KIF26B: variants seen among roughly 807,000 people sequenced by gnomAD.
The protein encoded by KIF26B is kinesin-like protein KIF26B.
In KIF26B, 63 loss-of-function variants were observed where a neutral mutation model predicts 151.2. The observed-to-expected ratio is 0.42, with a 90% CI of 0.34 to 0.51. The LOEUF (loss-of-function observed/expected upper bound fraction) is 0.51. KIF26B is among the 20% of genes least tolerant of loss of function. KIF26B has a pLI of 0.07. For missense variants in KIF26B, 2,813 were observed against 2,913.6 expected, an observed-to-expected ratio of 0.97 and a Z score of 0.79; for synonymous variants, 1,357 against 1,262.1, an observed-to-expected ratio of 1.08 and a Z score of -1.59.
At chr1:245,586,601 AG>A (rs1402899330) in intron 5 of KIF26B, among the ~76,000 whole-genome samples, 1 of 152,112 alleles carries the variant, frequency 6.6e-6, no homozygotes, top group African/African-American at 2.4e-5. Flanking sequence ...AACATCAAAC[AG>A]GCCGGGCGCG....
At chr1:245,431,394 G>C (rs996238720) in intron 4 of KIF26B, among the ~76,000 whole-genome samples, 1 of 151,332 alleles carries the variant, frequency 6.6e-6, no homozygotes, top group Non-Finnish European at 1.5e-5. Context: ...GCCCAGGCTA[G>C]GGTGCAGTGG....
intron 4 of KIF26B, among the ~76,000 whole-genome samples, chr1:245,518,653 T>G (rs1322844987): frequency 6.6e-6 from 1 of 152,168 alleles, no homozygotes; most frequent in African/African-American, 2.4e-5. Context: ...TAAGGTAAAT[T>G]CCCAAAACTC....
At chr1:245,659,475 G>T (rs1250648186) in intron 10 of KIF26B, among the ~76,000 whole-genome samples, 1 of 152,108 alleles carries the variant, frequency 6.6e-6, no homozygotes, top group Non-Finnish European at 1.5e-5. Context: ...TTGTGGTATT[G>T]TCACCTGTTT....
Position 245,607,254 on chromosome 1 carries a change from C to T in KIF26B, c.1558-397C>T, listed in dbSNP as rs1015782436. On this transcript the variant is annotated intron_variant, in intron 6 of 14. Coordinates refer to ENST00000407071, the MANE Select transcript of KIF26B (RefSeq NM_018012.4). ...ATAAGCCTGGCCTGTTTAATAAACT[C>T]TATGTATACGTGTGTCAGCAGAGGG... 2.0e-5 allele frequency among the ~76,000 whole-genome samples: 3 copies of T among 151,980 alleles called. No individual in the cohort carries two copies. The South Asian group carries it at 6.2e-4, about 32-fold the overall frequency.
At chr1:245,164,278 T>C (rs1034146833) in intron 2 of KIF26B, among the ~76,000 whole-genome samples, 2 of 152,238 alleles carry the variant, frequency 1.3e-5, no homozygotes, top group Admixed American at 6.5e-5. Context: ...TGAACCATCC[T>C]TGTATTCCCA....
At chr1:245,500,052 C>G (rs993417904) in intron 4 of KIF26B, among the ~76,000 whole-genome samples, 3 of 152,228 alleles carry the variant, frequency 2.0e-5, no homozygotes, top group Non-Finnish European at 4.4e-5. Flanking sequence ...CAGACAGTCC[C>G]TGTGCTTGCT....
intron 5 of KIF26B, among the ~76,000 whole-genome samples, chr1:245,565,173 G>T (rs1444524706): frequency 1.3e-5 from 2 of 152,084 alleles, no homozygotes; most frequent in African/African-American, 4.8e-5. Context: ...ATAGTTTTTG[G>T]GAATTTACTA....
At chr1:245,580,318 G>T in intron 5 of KIF26B, among the ~76,000 whole-genome samples, 1 of 152,182 alleles carries the variant, frequency 6.6e-6, no homozygotes, top group East Asian at 1.9e-4. Flanking sequence ...AACAGTCCTT[G>T]CTTGCAAATG....
chr1:245,533,343 A>G (rs969139176), intron 4 of KIF26B, among the ~76,000 whole-genome samples: 3 of 152,008 alleles, frequency 2.0e-5, no homozygotes, highest in African/African-American at 7.3e-5. Flanking sequence ...TGGCTCTGAG[A>G]GTCTCACAGT....
intron 3 of KIF26B, among the ~76,000 whole-genome samples, chr1:245,389,558 A>G (rs567076797): frequency 1.1e-4 from 17 of 152,360 alleles, no homozygotes; most frequent in African/African-American, 4.1e-4. Context: ...ATAATGCATC[A>G]ACATTAAAAA....
intron 2 of KIF26B, among the ~76,000 whole-genome samples, chr1:245,214,865 C>T (rs1030596380): frequency 3.3e-5 from 5 of 151,940 alleles, no homozygotes; most frequent in African/African-American, 4.8e-5. Flanking sequence ...AAATAAATAA[C>T]GACATAGAAG....
chr1:245,623,026 G>GTTTTTTTTT (rs56666383), intron 9 of KIF26B, among the ~76,000 whole-genome samples: 10 of 111,854 alleles, frequency 8.9e-5, no homozygotes, highest in Non-Finnish European at 1.7e-4. Context: ...TCGTGAGCAA[G>GTTTTTTTTT]TTTTTTTTTT....
At position 245,239,850 on chromosome 1, in the gene KIF26B, C is replaced by T. The variant is rs1426862060; in HGVS notation, c.465+83167C>T. On this transcript the variant is annotated intron_variant, in intron 2 of 14. Coordinates refer to ENST00000407071, the MANE Select transcript of KIF26B (RefSeq NM_018012.4). This position sits in a 1 kb window ranked among gnomAD's most constrained non-coding sequence, Gnocchi z 4.3. The stretch of plus-strand genomic sequence containing the variant: ...GTTTTTCCTTCCAAAAGTTGTCTTT[C>T]CTGACAGTGTATTTTTATTTTACTA... Among the ~76,000 whole-genome samples the T allele has an allele frequency of 6.6e-6, 1 of 152,008 alleles. No homozygotes were observed. Among genetic ancestry groups the T allele is most frequent in the Non-Finnish European group, 1.5e-5 (1 of 67,992 alleles).
intron 2 of KIF26B, among the ~76,000 whole-genome samples, chr1:245,162,080 C>A (rs551610133): frequency 1.3e-5 from 2 of 152,322 alleles, no homozygotes; most frequent in African/African-American, 4.8e-5. Flanking sequence ...TGACCTTCTG[C>A]GAGGAAGAGT....
Position 245,540,658 on chromosome 1 carries a change from A to C in KIF26B, c.1167-109A>C, listed in dbSNP as rs1661594210. On this transcript the variant is annotated intron_variant, in intron 4 of 14. Coordinates refer to ENST00000407071, the MANE Select transcript of KIF26B (RefSeq NM_018012.4). This position sits in a 1 kb window ranked among gnomAD's most constrained non-coding sequence, Gnocchi z 4.6. The stretch of plus-strand genomic sequence containing the variant: ...GACACTGAGCAGGAGGAGAGAAGGA[A>C]TGATTAGGCCTCAGAAAGAACGAGG... 1.0e-6 allele frequency: 1 copy of C among 956,866 alleles called. No homozygotes were observed. The highest frequency in any genetic ancestry group is 1.7e-6 in the Non-Finnish European group (1 of 580,330). 59.3% of individuals were successfully genotyped at this position (956,866 alleles called of 1,614,324 possible). A position where few individuals can be genotyped will look rare whatever the true frequency, so the allele number is the denominator to read the frequency against.
chr1:245,313,482 C>G (rs759747012), intron 2 of KIF26B, among the ~76,000 whole-genome samples: 1 of 152,156 alleles, frequency 6.6e-6, no homozygotes, highest in South Asian at 2.1e-4. Context: ...CAGCCCTGCC[C>G]GATGCACGGG....
At chr1:245,584,318 C>T (rs887981333) in intron 5 of KIF26B, among the ~76,000 whole-genome samples, 2 of 151,774 alleles carry the variant, frequency 1.3e-5, no homozygotes, top group African/African-American at 4.9e-5. Flanking sequence ...AACCATGAGC[C>T]AATTAAACCT....
rs140662529 is a variant in KIF26B at position 245,361,476 on chromosome 1, C to T, written c.466-5358C>T. 2.9e-3 allele frequency among the ~76,000 whole-genome samples: 439 copies of T among 152,320 alleles called. 2 individuals are homozygous for T. The highest frequency in any genetic ancestry group is 0.014 in the East Asian group (71 of 5,180). ...ACATTCAGCGTGTTCACGTGCTCAG[C>T]GCGGTGTTCATGCCCGCACCATTGT... On this transcript the variant is annotated intron_variant, in intron 2 of 14. Coordinates refer to ENST00000407071, the MANE Select transcript of KIF26B (RefSeq NM_018012.4).
intron 9 of KIF26B, among the ~76,000 whole-genome samples, chr1:245,613,276 G>A (rs55957740): frequency 6.0e-4 from 92 of 152,242 alleles, no homozygotes; most frequent in Middle Eastern, 3.4e-3. Context: ...GAGATGGTCC[G>A]CAAAGCTGTT....
Sources: gnomAD v4.1 joint callset for allele counts (sites outside exome capture counted in the v4.1 genomes callset) on GRCh38, gnomAD v4.1.1 for gene constraint, Gnocchi (gnomAD v3.1) non-coding constraint, MANE v1.5 for transcripts, NCBI Gene and HGNC (gene_info 2026-07-23, HGNC 2026-07-21) for gene names.